Variants in TENM1 observed in about 807,000 individuals in gnomAD.
TENM1 encodes teneurin transmembrane protein 1.
Under a neutral mutation model 174.8 loss-of-function variants are expected in TENM1, and 35 were observed. The observed-to-expected ratio is 0.20, with a 90% CI of 0.15 to 0.27. The LOEUF (loss-of-function observed/expected upper bound fraction) is 0.27, where lower values mean the gene tolerates loss of function less well. Among genes scored for constraint, TENM1 ranks in the 10% least tolerant of loss-of-function variants. The probability of loss-of-function intolerance (pLI) is 1.00; values close to 1 mark genes in which losing one functional copy is unlikely to be tolerated. For missense variants in TENM1, 1,633 were observed against 2,130.1 expected (o/e 0.77, Z 4.59); for synonymous variants, 781 against 798.7 (o/e 0.98, Z 0.37).
chrX:125,070,178 C>T, the TENM1 span, among the ~76,000 whole-genome samples: 4 of 106,134 alleles, frequency 3.8e-5, no homozygotes, highest in African/African-American at 1.5e-4. Context: ...GAGACAGAGA[C>T]CCCGTGTCCA....
At chrX:124,547,034 T>G (rs1433211933) in exon 15 of TENM1, 3 of 1,209,909 alleles carry the variant, frequency 2.5e-6, no homozygotes, top group Non-Finnish European at 3.4e-6. Context: ...CAGAGAGGAC[T>G]TATATAACAG....
At chrX:124,991,347 T>C in the TENM1 span, among the ~76,000 whole-genome samples, 2 of 110,726 alleles carry the variant, frequency 1.8e-5, no homozygotes, top group Admixed American at 1.9e-4. Flanking sequence ...ATGTTCATAG[T>C]GGGAGACTGC....
intron 1 of TENM1, among the ~76,000 whole-genome samples, chrX:124,927,067 TA>T (rs1336507620): frequency 1.8e-5 from 2 of 112,036 alleles, no homozygotes; most frequent in African/African-American, 3.2e-5. Flanking sequence ...ATATTATACT[TA>T]AAAATACTGT....
At chrX:124,571,815 G>T (rs1173916090) in intron 11 of TENM1, among the ~76,000 whole-genome samples, 1 of 111,297 alleles carries the variant, frequency 9.0e-6, no homozygotes, top group Non-Finnish European at 1.9e-5. Context: ...GGTGTATTTT[G>T]TCAAATTTTC....
intron 1 of TENM1, among the ~76,000 whole-genome samples, chrX:124,928,460 T>C (rs964175627): frequency 8.9e-6 from 1 of 111,924 alleles, no homozygotes; most frequent in African/African-American, 3.2e-5. Context: ...CTGTACAGAT[T>C]GAAGCTAATT....
intron 1 of TENM1, among the ~76,000 whole-genome samples, chrX:124,952,991 C>T (rs769547742): frequency 3.0e-4 from 33 of 111,173 alleles, no homozygotes; most frequent in East Asian, 5.7e-4. Context: ...GTTTATCTTC[C>T]GTCACCTCTA....
chrX:124,633,979 T>C lies in TENM1; in HGVS notation c.2077+7812A>G, dbSNP rs190008137. Reference sequence around the variant, plus strand: ...TAATGTTAATGAAATAGCTACCATGTTTTATGCAGATGCTTGTTTTATTTA... The same window carrying C: ...TAATGTTAATGAAATAGCTACCATGCTTTATGCAGATGCTTGTTTTATTTA... On this transcript the variant is annotated intron_variant, in intron 11 of 31. Coordinates refer to ENST00000422452, the Ensembl canonical transcript of TENM1. Among the ~76,000 whole-genome samples, 574 of 112,221 alleles carry C rather than the reference T, an allele frequency of 5.1e-3. 2 individuals are homozygous for C. Among genetic ancestry groups the C allele is most frequent in the African/African-American group, 0.018 (558 of 30,985 alleles).
chrX:125,026,040 A>C, the TENM1 span, among the ~76,000 whole-genome samples: 1 of 111,234 alleles, frequency 9.0e-6, no homozygotes, highest in South Asian at 3.7e-4. Flanking sequence ...ATGTGAATAA[A>C]AGAAAAGGAA....
the TENM1 span, among the ~76,000 whole-genome samples, chrX:125,055,274 T>C: frequency 9.0e-6 from 1 of 111,719 alleles, no homozygotes; most frequent in African/African-American, 3.3e-5. Context: ...TTTGGGTAAC[T>C]TGCACCACGT....
chrX:124,906,188 C>G (rs1419050953), intron 1 of TENM1, among the ~76,000 whole-genome samples: 1 of 111,869 alleles, frequency 8.9e-6, no homozygotes, highest in Non-Finnish European at 1.9e-5. Context: ...AACACAGAGG[C>G]TATCTTTATA....
the TENM1 span, among the ~76,000 whole-genome samples, chrX:125,090,491 C>CA: frequency 0.027 from 2,148 of 81,034 alleles, 45 homozygotes; most frequent in African/African-American, 0.073. Flanking sequence ...ACAAAATATA[C>CA]AAAAAAAAAA....
intron 14 of TENM1, among the ~76,000 whole-genome samples, chrX:124,558,937 C>A (rs1382724251): frequency 9.0e-6 from 1 of 111,599 alleles, no homozygotes; most frequent in Non-Finnish European, 1.9e-5. Flanking sequence ...CAGGTCAATA[C>A]ACGTTCAGTG....
chrX:124,916,043 T>TA (rs1237551795), intron 1 of TENM1, among the ~76,000 whole-genome samples: 1 of 111,665 alleles, frequency 9.0e-6, no homozygotes, highest in African/African-American at 3.3e-5. Context: ...GAGAGACTCC[T>TA]ACCCAACAGA....
chrX:125,078,398 C>G, the TENM1 span, among the ~76,000 whole-genome samples: 2 of 111,815 alleles, frequency 1.8e-5, no homozygotes, highest in Admixed American at 9.5e-5. Flanking sequence ...TGACCTGAAA[C>G]TTGTTGCTAA....
chrX:125,044,325 C>T, the TENM1 span, among the ~76,000 whole-genome samples: 1 of 109,952 alleles, frequency 9.1e-6, no homozygotes, highest in African/African-American at 3.3e-5. Flanking sequence ...TGGTGGCTTA[C>T]ACCTATAATC....
intron 3 of TENM1, among the ~76,000 whole-genome samples, chrX:124,761,072 T>C (rs2054399420): frequency 9.0e-6 from 1 of 111,478 alleles, no homozygotes; most frequent in African/African-American, 3.3e-5. Flanking sequence ...TGTGGAGAAA[T>C]AGGAATGCTT....
intron 4 of TENM1, among the ~76,000 whole-genome samples, chrX:124,706,946 CTTTTT>C (rs1190388752): frequency 1.1e-5 from 1 of 88,025 alleles, no homozygotes; most frequent in African/African-American, 4.3e-5. Flanking sequence ...AGTCCTTAAT[CTTTTT>C]TTTTTTTTTT....
chrX:124,810,847 G>T (rs2055752691), intron 3 of TENM1, among the ~76,000 whole-genome samples: 1 of 111,292 alleles, frequency 9.0e-6, no homozygotes, highest in Admixed American at 9.6e-5. Flanking sequence ...ATTTCAAAAA[G>T]ACACATAGAC....
intron 11 of TENM1, among the ~76,000 whole-genome samples, chrX:124,584,659 T>A (rs1431732984): frequency 9.0e-6 from 1 of 110,950 alleles, no homozygotes; most frequent in African/African-American, 3.3e-5. Flanking sequence ...AACATCATAA[T>A]GACAGGATCA....
Sources: gnomAD v4.1 joint callset for allele counts (sites outside exome capture counted in the v4.1 genomes callset) on GRCh38, gnomAD v4.1.1 for gene constraint, MANE v1.5 for transcripts, NCBI Gene and HGNC (gene_info 2026-07-23, HGNC 2026-07-21) for gene names.